Variants in PSTPIP2 observed in about 807,000 individuals in gnomAD.
PSTPIP2 encodes the protein proline-serine-threonine phosphatase interacting protein 2.
A neutral mutation model predicts 63.3 loss-of-function variants in PSTPIP2; 33 were observed. That is an observed-to-expected ratio of 0.52 (90% CI 0.40 to 0.70). The LOEUF is 0.70. Among genes scored for constraint, PSTPIP2 ranks in the 30% least tolerant of loss-of-function variants. PSTPIP2 has a pLI of 0.00. For missense variants in PSTPIP2, 312 were observed against 400.7 expected (o/e 0.78, Z 1.89); for synonymous variants, 125 against 132.7 (o/e 0.94, Z 0.40).
intron 2 of PSTPIP2, chr18:46,029,378 T>C: frequency 1.3e-6 from 2 of 1,554,148 alleles, no homozygotes; most frequent in Non-Finnish European, 1.8e-6. Flanking sequence ...CCACGTTCTC[T>C]TCAGATAGTA....
intron 2 of PSTPIP2, among the ~76,000 whole-genome samples, chr18:46,027,276 CA>C (rs1907609222): frequency 6.7e-6 from 1 of 150,072 alleles, no homozygotes; most frequent in East Asian, 2.0e-4. Flanking sequence ...GCCTGGGCGA[CA>C]AGAGCAAAAC....
intron 6 of PSTPIP2, among the ~76,000 whole-genome samples, chr18:46,003,653 G>C (rs2051693424): frequency 6.6e-6 from 1 of 151,752 alleles, no homozygotes; most frequent in South Asian, 2.1e-4. Flanking sequence ...CACTCAGTCT[G>C]TGATAAATGA....
chr18:45,999,335 G>T, intron 7 of PSTPIP2, 101 bp downstream of exon 7: 1 of 1,075,122 alleles, frequency 9.3e-7, no homozygotes. Context: ...ATATTTCCAG[G>T]GGTTTAGGAT....
chr18:46,059,075 C>CA (rs1908889397), intron 1 of PSTPIP2, among the ~76,000 whole-genome samples: 1 of 149,526 alleles, frequency 6.7e-6, no homozygotes. Flanking sequence ...CTCCCTCTGT[C>CA]GCCCAGGCTG....
chr18:46,026,506 G>A (rs1907585197), intron 2 of PSTPIP2, among the ~76,000 whole-genome samples: 1 of 152,020 alleles, frequency 6.6e-6, no homozygotes, highest in Non-Finnish European at 1.5e-5. Flanking sequence ...CCTGTCATTT[G>A]TCTTTTCTAA....
At chr18:46,003,378 TG>T (rs1461544176) in intron 6 of PSTPIP2, among the ~76,000 whole-genome samples, 1 of 152,136 alleles carries the variant, frequency 6.6e-6, no homozygotes, top group Non-Finnish European at 1.5e-5. Flanking sequence ...GGGAGTTGGG[TG>T]CTCTCTACAG....
intron 1 of PSTPIP2, chr18:46,041,074 G>A (rs542550617): frequency 8.8e-6 from 4 of 456,886 alleles, no homozygotes; most frequent in African/African-American, 2.0e-5. Context: ...ACCAGTTAGC[G>A]CTATTGAGGG....
intron 4 of PSTPIP2, 66 bp downstream of exon 4, chr18:46,015,837 C>G: frequency 3.9e-6 from 6 of 1,527,142 alleles, no homozygotes; most frequent in Non-Finnish European, 5.4e-6. Flanking sequence ...TAAAACACAC[C>G]TTTGACGACA....
chr18:45,994,409 G>A (rs536413777), intron 9 of PSTPIP2, among the ~76,000 whole-genome samples: 2 of 152,070 alleles, frequency 1.3e-5, no homozygotes, highest in African/African-American at 4.8e-5. Flanking sequence ...CACTCTATGA[G>A]GAGAAAAGGA....
chr18:46,060,249 T>C (rs1215215912), intron 1 of PSTPIP2, among the ~76,000 whole-genome samples: 1 of 152,218 alleles, frequency 6.6e-6, no homozygotes, highest in African/African-American at 2.4e-5. Flanking sequence ...GGTATTTCAC[T>C]GCAATTCCTT....
At chr18:45,990,797 G>T in intron 12 of PSTPIP2, 41 bp from the exon 13 acceptor site, 20 of 1,501,958 alleles carry the variant, frequency 1.3e-5, no homozygotes, top group Non-Finnish European at 1.8e-5. Context: ...ATAAGTTCTT[G>T]TTATTTTTAT....
At chr18:46,070,512 T>C (rs1909355423) in intron 1 of PSTPIP2, among the ~76,000 whole-genome samples, 1 of 152,208 alleles carries the variant, frequency 6.6e-6, no homozygotes, top group Non-Finnish European at 1.5e-5. Context: ...GTTGGGTTTG[T>C]TTGTTTGTTC....
At chr18:46,025,683 TAAA>T (rs35851535) in intron 2 of PSTPIP2, among the ~76,000 whole-genome samples, 7 of 114,720 alleles carry the variant, frequency 6.1e-5, no homozygotes, top group African/African-American at 3.0e-5. Flanking sequence ...TCACTACCAC[TAAA>T]AAAAAAAAAA....
At chr18:46,010,964 T>G in intron 5 of PSTPIP2, 1 of 500,960 alleles carries the variant, frequency 2.0e-6, no homozygotes, top group Non-Finnish European at 3.6e-6. Flanking sequence ...GCTGGACCTC[T>G]GAATCCTATG....
chr18:46,062,548 G>A (rs1909028760), intron 1 of PSTPIP2, among the ~76,000 whole-genome samples: 1 of 151,058 alleles, frequency 6.6e-6, no homozygotes, highest in South Asian at 2.1e-4. Context: ...TTTTGGAGAC[G>A]GAGTCTCGCT....
chr18:46,028,494 G>C (rs1378392763), intron 2 of PSTPIP2: 3 of 633,796 alleles, frequency 4.7e-6, no homozygotes, highest in Non-Finnish European at 6.0e-6. Flanking sequence ...GCTGGTCTTC[G>C]GCGATGTCGA....
chr18:46,058,152 C>CGG (rs1175180703), intron 1 of PSTPIP2, among the ~76,000 whole-genome samples: 1 of 152,040 alleles, frequency 6.6e-6, no homozygotes, highest in Non-Finnish European at 1.5e-5. Context: ...ACTTCTTCAA[C>CGG]ATCTCATGTA....
chr18:46,015,832 C>T, intron 4 of PSTPIP2, 71 bp downstream of exon 4: 1 of 1,502,422 alleles, frequency 6.7e-7, no homozygotes, highest in East Asian at 2.4e-5. Context: ...CAAATTAAAA[C>T]ACACCTTTGA....
intron 13 of PSTPIP2, among the ~76,000 whole-genome samples, chr18:45,989,304 G>A (rs1177058935): frequency 6.6e-6 from 1 of 152,156 alleles, no homozygotes; most frequent in African/African-American, 2.4e-5. Context: ...CATGGGGGCA[G>A]TTTCCCCCAC....
Sources: allele counts gnomAD v4.1 joint callset (sites outside exome capture counted in the v4.1 genomes callset), GRCh38; gene constraint gnomAD v4.1.1; transcripts MANE v1.5; gene names NCBI Gene and HGNC (gene_info 2026-07-23, HGNC 2026-07-21).